Variants in CMSS1 observed in about 807,000 individuals in gnomAD.
CMSS1 encodes the protein cms1 ribosomal small subunit homolog.
A neutral mutation model predicts 43.5 loss-of-function variants in CMSS1; 33 were observed. That is an observed-to-expected ratio of 0.76 (90% CI 0.57 to 1.01). CMSS1 has a LOEUF of 1.01. Ranked by LOEUF, CMSS1 falls within the 50% of genes least tolerant of loss-of-function variation. The pLI is 0.00. For missense variants in CMSS1, 313 were observed against 326.4 expected (o/e 0.96, Z 0.32); for synonymous variants, 115 against 117.2 (o/e 0.98, Z 0.12).
rs948635099 is a variant in CMSS1, at chr3:100,109,908, C to T, written c.65-37065C>T. The T allele has an allele frequency of 1.3e-4, 16 of 120,984 alleles. 1 individual carries two copies. Among genetic ancestry groups the T allele is most frequent in the African/African-American group, 4.3e-4 (14 of 32,784 alleles). 7.5% of individuals were successfully genotyped at this position (120,984 alleles called of 1,614,324 possible). On this transcript the variant is annotated intron_variant, in intron 1 of 9. Transcript: ENST00000421999. ...CTGCAAATGTTTCTTTTATGACCCC[C>T]CCCCCCCAGCACCACCCCCCAGCCA...
intron 1 of CMSS1, among the ~76,000 whole-genome samples, chr3:100,120,859 C>T (rs1208217755): frequency 1.3e-5 from 2 of 151,990 alleles, no homozygotes; most frequent in African/African-American, 4.8e-5. Flanking sequence ...GGAGGGCATT[C>T]TAGGCAGAGG....
At chr3:99,949,648 G>A (rs1306055662) in intron 1 of CMSS1, among the ~76,000 whole-genome samples, 1 of 152,198 alleles carries the variant, frequency 6.6e-6, no homozygotes, top group African/African-American at 2.4e-5. Flanking sequence ...GAAGTGCATG[G>A]TGCTTATGTT....
At chr3:100,111,823 T>C (rs2107478564) in intron 1 of CMSS1, among the ~76,000 whole-genome samples, 1 of 152,324 alleles carries the variant, frequency 6.6e-6, no homozygotes, top group East Asian at 1.9e-4. Context: ...AAGGCTCAAG[T>C]ATTTGCACTA....
intron 1 of CMSS1, among the ~76,000 whole-genome samples, chr3:99,983,381 AATAAATAAAT>A (rs1223203662): frequency 3.3e-5 from 1 of 30,026 alleles, no homozygotes; most frequent in African/African-American, 9.2e-5. Context: ...TTAAAAAATA[AATAAATAAAT>A]ATATATATAT....
chr3:99,994,514 A>G (rs964439086), intron 1 of CMSS1, among the ~76,000 whole-genome samples: 2 of 152,230 alleles, frequency 1.3e-5, no homozygotes, highest in African/African-American at 4.8e-5. Context: ...ATTTTTAAAA[A>G]TCAAAATCAT....
chr3:99,920,014 A>G (rs1165990183), intron 1 of CMSS1, among the ~76,000 whole-genome samples: 1 of 152,178 alleles, frequency 6.6e-6, no homozygotes, highest in Non-Finnish European at 1.5e-5. Flanking sequence ...TACCATTTGA[A>G]CTTCTGATTT....
chr3:99,848,707 CA>C, intron 1 of CMSS1: 1 of 1,614,160 alleles, frequency 6.2e-7, no homozygotes, highest in Non-Finnish European at 8.5e-7. Context: ...TAGAGAACCA[CA>C]AGACTCTGGG....
At position 99,930,921 on chromosome 3, in the gene CMSS1, T is replaced by C. The variant is rs755202720; in HGVS notation, c.64+112878T>C. ...CTGGGGGAGTCTTTGTCTTGCTGTCTATGCTTCATGTTTTTAGGCCCTTGG... is the reference window on the plus strand; with the variant it reads ...CTGGGGGAGTCTTTGTCTTGCTGTCCATGCTTCATGTTTTTAGGCCCTTGG... On this transcript the variant is annotated intron_variant, in intron 1 of 9. Transcript: ENST00000421999. The C allele has an allele frequency of 5.0e-6, 8 of 1,613,670 alleles. No individual in the cohort carries two copies. In the East Asian group the frequency reaches 1.8e-4, roughly 36 times the overall value.
At chr3:100,172,143 G>A in intron 7 of CMSS1, 173 bp from the exon 8 acceptor site, 3 of 655,046 alleles carry the variant, frequency 4.6e-6, no homozygotes, top group Non-Finnish European at 7.9e-6. Context: ...ATTCCTTGAA[G>A]ATTACCAGTT....
At chr3:99,899,501 A>G (rs1706367031) in intron 1 of CMSS1, among the ~76,000 whole-genome samples, 1 of 152,250 alleles carries the variant, frequency 6.6e-6, no homozygotes, top group Admixed American at 6.5e-5. Flanking sequence ...GTTATTGTAT[A>G]TAAAGGATTT....
intron 1 of CMSS1, among the ~76,000 whole-genome samples, chr3:99,906,802 GGTCATCCCT>G (rs1449542231): frequency 6.6e-6 from 1 of 152,038 alleles, no homozygotes; most frequent in Non-Finnish European, 1.5e-5. Context: ...TAGAAGAGAT[GGTCATCCCT>G]AACTTGAAAG....
intron 1 of CMSS1, among the ~76,000 whole-genome samples, chr3:99,955,640 G>A (rs955663278): frequency 1.3e-5 from 2 of 152,150 alleles, no homozygotes; most frequent in Non-Finnish European, 2.9e-5. Context: ...AGCTCCGTTA[G>A]TCTTGCCTAT....
intron 1 of CMSS1, among the ~76,000 whole-genome samples, chr3:99,970,690 A>G (rs1708787371): frequency 1.3e-5 from 2 of 152,370 alleles, no homozygotes. Flanking sequence ...GACATTCTGT[A>G]TATGGGATAT....
chr3:99,961,752 T>C (rs899124167), intron 1 of CMSS1, among the ~76,000 whole-genome samples: 1 of 152,196 alleles, frequency 6.6e-6, no homozygotes, highest in Non-Finnish European at 1.5e-5. Context: ...TTTGTAGATA[T>C]TTAAAGATAA....
intron 1 of CMSS1, among the ~76,000 whole-genome samples, chr3:99,857,716 T>C (rs907657141): frequency 1.3e-5 from 2 of 152,246 alleles, no homozygotes; most frequent in African/African-American, 4.8e-5. Flanking sequence ...AAGCCATTAA[T>C]GGTACTGTAT....
intron 1 of CMSS1, among the ~76,000 whole-genome samples, chr3:100,120,507 C>T (rs182162094): frequency 4.7e-4 from 72 of 152,306 alleles, no homozygotes; most frequent in African/African-American, 1.7e-3. Flanking sequence ...AATGTTATTT[C>T]ATTCTAATCC....
intron 1 of CMSS1, among the ~76,000 whole-genome samples, chr3:100,010,612 C>CTT (rs71625546): frequency 2.4e-3 from 334 of 141,498 alleles, no homozygotes; most frequent in East Asian, 0.011. Flanking sequence ...GTTTTTCTTT[C>CTT]TTTTTTTTTT....
intron 1 of CMSS1, among the ~76,000 whole-genome samples, chr3:99,889,409 G>A (rs1706013158): frequency 1.3e-5 from 2 of 151,814 alleles, no homozygotes; most frequent in Admixed American, 1.3e-4. Flanking sequence ...CTTTTAATTA[G>A]TAGTTACTAA....
chr3:99,875,335 A>G (rs1320226940), intron 1 of CMSS1, among the ~76,000 whole-genome samples: 1 of 152,214 alleles, frequency 6.6e-6, no homozygotes, highest in Non-Finnish European at 1.5e-5. Flanking sequence ...CAGTTACTCT[A>G]TAAGTTTTAC....
Sources: allele counts gnomAD v4.1 joint callset (sites outside exome capture counted in the v4.1 genomes callset), GRCh38; gene constraint gnomAD v4.1.1; transcripts MANE v1.5; gene names NCBI Gene and HGNC (gene_info 2026-07-23, HGNC 2026-07-21).